Variants in ANKFN1 observed in about 807,000 individuals in gnomAD.
ANKFN1 encodes ankyrin repeat and fibronectin type-III domain-containing protein 1.
ANKFN1 carries 74 observed loss-of-function variants against 108.7 expected under a neutral mutation model. That is an observed-to-expected ratio of 0.68 (90% CI 0.56 to 0.83). The LOEUF is 0.83. ANKFN1 is among the 40% of genes least tolerant of loss of function. ANKFN1 has a pLI of 0.00. For synonymous variants in ANKFN1, 547 were observed against 516.2 expected (o/e 1.06, Z -0.81); for missense variants, 1,505 against 1,382.3 (o/e 1.09, Z -1.41).
chr17:56,410,007 T>C (rs2048039811), intron 8 of ANKFN1, among the ~76,000 whole-genome samples: 1 of 152,204 alleles, frequency 6.6e-6, no homozygotes, highest in Admixed American at 6.5e-5. Context: ...TAGAGTACTA[T>C]TAAGCAGAAG....
intron 20 of ANKFN1, among the ~76,000 whole-genome samples, chr17:56,502,483 C>T (rs2051405283): frequency 6.6e-6 from 1 of 152,180 alleles, no homozygotes; most frequent in African/African-American, 2.4e-5. Flanking sequence ...CTATGAAACA[C>T]AAAGATGTGG....
chr17:56,236,898 C>G (rs1330679216), intron 3 of ANKFN1, among the ~76,000 whole-genome samples: 4 of 152,128 alleles, frequency 2.6e-5, no homozygotes, highest in Non-Finnish European at 5.9e-5. Context: ...GTATGATGTT[C>G]TCTGTGGGTT....
chr17:56,351,085 T>C, intron 5 of ANKFN1, 118 bp downstream of exon 5: 1 of 985,128 alleles, frequency 1.0e-6, no homozygotes, highest in South Asian at 1.6e-5. Flanking sequence ...ATTTTATAAA[T>C]GCTGGAATAG....
At chr17:56,243,211 T>A (rs1917716167) in intron 3 of ANKFN1, among the ~76,000 whole-genome samples, 1 of 152,072 alleles carries the variant, frequency 6.6e-6, no homozygotes, top group Non-Finnish European at 1.5e-5. Flanking sequence ...TCTTACTTTC[T>A]TTGAGACTTT....
In ANKFN1 at chr17:56,293,114, G is replaced by T. The variant is rs189359561; in HGVS notation, c.54-33107G>T. Among the ~76,000 whole-genome samples, 148 of 152,224 alleles carry T rather than the reference G, an allele frequency of 9.7e-4. 3 individuals carry two copies. The highest frequency in any genetic ancestry group is 7.8e-3 in the Admixed American group (119 of 15,280). ...GGCCAAGTACTGTCTTAGCTACTGG[G>T]TATATGAAGATATAGGAGACAAAGT... On this transcript the variant is annotated intron_variant, in intron 3 of 20. Transcript: ENST00000682825.
chr17:56,162,631 AT>A (rs1909768211), intron 1 of ANKFN1, among the ~76,000 whole-genome samples: 1 of 152,212 alleles, frequency 6.6e-6, no homozygotes, highest in Non-Finnish European at 1.5e-5. Context: ...AATTCAACAT[AT>A]GGATTTGGGT....
intron 1 of ANKFN1, among the ~76,000 whole-genome samples, chr17:56,176,723 A>C (rs1279772344): frequency 6.6e-6 from 1 of 152,186 alleles, no homozygotes; most frequent in Non-Finnish European, 1.5e-5. Flanking sequence ...ATGTAGGAAA[A>C]CACTTCTTTG....
chr17:56,175,969 C>T (rs1911110323), intron 1 of ANKFN1, among the ~76,000 whole-genome samples: 1 of 151,402 alleles, frequency 6.6e-6, no homozygotes, highest in African/African-American at 2.4e-5. Flanking sequence ...GAAAGGGAGG[C>T]AGGAGAGAGA....
chr17:56,485,100 A>G (rs1259895588), intron 18 of ANKFN1, among the ~76,000 whole-genome samples: 1 of 152,242 alleles, frequency 6.6e-6, no homozygotes, highest in Admixed American at 6.5e-5. Context: ...ATTCATCAAT[A>G]AATATTCATT....
chr17:56,311,918 TA>T (rs199825837), intron 3 of ANKFN1, among the ~76,000 whole-genome samples: 1,988 of 152,304 alleles, frequency 0.013, 53 homozygotes, highest in African/African-American at 0.046. Context: ...GTAGTCCCAT[TA>T]TTTTGTGATA....
At chr17:56,193,274 G>T (rs1197298427) in intron 1 of ANKFN1, among the ~76,000 whole-genome samples, 14 of 111,978 alleles carry the variant, frequency 1.3e-4, no homozygotes, top group African/African-American at 4.4e-4. Flanking sequence ...AGGGGGGAGG[G>T]ATAGCACTGG....
At chr17:56,145,653 C>A (rs986054964) in intron 4 of ANKFN1, among the ~76,000 whole-genome samples, 1 of 152,168 alleles carries the variant, frequency 6.6e-6, no homozygotes, top group African/African-American at 2.4e-5. Flanking sequence ...ACTGGAATTA[C>A]AATTCAAGGT....
intron 4 of ANKFN1, among the ~76,000 whole-genome samples, chr17:56,116,758 A>G (rs923512468): frequency 2.6e-5 from 4 of 152,168 alleles, no homozygotes; most frequent in Admixed American, 6.5e-5. Flanking sequence ...GTATTCCTTT[A>G]TAGTAACACA....
At chr17:56,439,253 G>A (rs2049023632) in intron 8 of ANKFN1, among the ~76,000 whole-genome samples, 1 of 152,158 alleles carries the variant, frequency 6.6e-6, no homozygotes, top group South Asian at 2.1e-4. Flanking sequence ...AAGTGTCCTA[G>A]AGAATGTCAT....
chr17:56,410,989 A>T (rs7209673), intron 8 of ANKFN1, among the ~76,000 whole-genome samples: 8,100 of 152,212 alleles, frequency 0.053, 250 homozygotes, highest in African/African-American at 0.061. Context: ...GATTATTTTG[A>T]GGTCTTTGCT....
intron 3 of ANKFN1, among the ~76,000 whole-genome samples, chr17:56,239,514 T>G (rs1482701347): frequency 6.6e-6 from 1 of 152,182 alleles, no homozygotes; most frequent in East Asian, 1.9e-4. Context: ...TGTGCAACTT[T>G]TTAAATGTAT....
At chr17:56,458,540 C>T (rs1279931258) in intron 14 of ANKFN1, among the ~76,000 whole-genome samples, 1 of 151,992 alleles carries the variant, frequency 6.6e-6, no homozygotes, top group African/African-American at 2.4e-5. Flanking sequence ...TTGATTTATC[C>T]TTCCATATTC....
chr17:56,154,283 TG>T (rs1805903137), intron 1 of ANKFN1, among the ~76,000 whole-genome samples: 1 of 152,182 alleles, frequency 6.6e-6, no homozygotes, highest in South Asian at 2.1e-4. Flanking sequence ...GCTGAGGTCC[TG>T]GTAGGGGATA....
intron 4 of ANKFN1, among the ~76,000 whole-genome samples, chr17:56,097,304 A>G (rs751998008): frequency 3.3e-5 from 5 of 152,184 alleles, no homozygotes; most frequent in Admixed American, 1.3e-4. Flanking sequence ...TATGGCTAAG[A>G]TAACCCAGGT....
Sources: allele counts gnomAD v4.1 joint callset (sites outside exome capture counted in the v4.1 genomes callset), GRCh38; gene constraint gnomAD v4.1.1; transcripts MANE v1.5; gene names NCBI Gene and HGNC (gene_info 2026-07-23, HGNC 2026-07-21).